The following SLC13A3 variants were observed in gnomAD, a reference collection of about 807,000 sequenced individuals.
SLC13A3 encodes the protein solute carrier family 13 member 3.
A neutral mutation model predicts 59.0 loss-of-function variants in SLC13A3; 40 were observed. That is an observed-to-expected ratio of 0.68 (90% confidence interval 0.53 to 0.88). The LOEUF (loss-of-function observed/expected upper bound fraction) is 0.88. Ranked by LOEUF, SLC13A3 falls within the 40% of genes least tolerant of loss-of-function variation. SLC13A3 has a pLI of 0.00. For missense variants in SLC13A3, 699 were observed against 783.2 expected, an observed-to-expected ratio of 0.89 and a Z score of 1.28; for synonymous variants, 317 against 330.3, an observed-to-expected ratio of 0.96 and a Z score of 0.44.
intron 8 of SLC13A3, chr20:46,585,316 G>A (rs1385623296): frequency 1.0e-6 from 1 of 995,542 alleles, no homozygotes; most frequent in Non-Finnish European, 1.2e-6. Flanking sequence ...TCTCTGGGCA[G>A]TGGGACATAA....
chr20:46,666,854 G>A (rs1406901561), intron 1 of SLC13A3, among the ~76,000 whole-genome samples: 1 of 152,010 alleles, frequency 6.6e-6, no homozygotes, highest in Non-Finnish European at 1.5e-5. Flanking sequence ...AAAGCTCTCT[G>A]TTTAACTTAT....
intron 1 of SLC13A3, among the ~76,000 whole-genome samples, chr20:46,633,339 C>T (rs1200648216): frequency 1.3e-5 from 2 of 152,184 alleles, no homozygotes; most frequent in Non-Finnish European, 2.9e-5. Context: ...GGTGAAGGCT[C>T]AGGGGAACAA....
upstream of SLC13A3, among the ~76,000 whole-genome samples, chr20:46,672,854 T>C (rs937845275): frequency 6.6e-6 from 1 of 152,140 alleles, no homozygotes; most frequent in Non-Finnish European, 1.5e-5. Context: ...GACACATGAA[T>C]GAAGCTGTCT....
chr20:46,635,731 CACAGAA>C (rs2062789421), intron 1 of SLC13A3, among the ~76,000 whole-genome samples: 1 of 152,122 alleles, frequency 6.6e-6, no homozygotes, highest in African/African-American at 2.4e-5. Flanking sequence ...CAGCCTAAGT[CACAGAA>C]TGAGATAGGA....
chr20:46,567,625 T>C (rs970757351), intron 10 of SLC13A3, among the ~76,000 whole-genome samples: 1 of 149,686 alleles, frequency 6.7e-6, no homozygotes, highest in Admixed American at 6.6e-5. Flanking sequence ...GGTAGAGAAG[T>C]TCACCGAGAC....
chr20:46,613,340 TGGTGGG>T, intron 2 of SLC13A3, 114 bp downstream of exon 2: 35 of 742,668 alleles, frequency 4.7e-5, no homozygotes, highest in Non-Finnish European at 6.0e-5. Context: ...AATAAATAAA[TGGTGGG>T]AACCGATGAG....
chr20:46,663,633 G>A (rs977447657), intron 1 of SLC13A3, among the ~76,000 whole-genome samples: 3 of 152,146 alleles, frequency 2.0e-5, no homozygotes, highest in African/African-American at 7.2e-5. Context: ...TATTCTAAGA[G>A]CTTTACATGA....
At chr20:46,653,767 G>A (rs952564472), upstream of SLC13A3, among the ~76,000 whole-genome samples, 1 of 152,126 alleles carries the variant, frequency 6.6e-6, no homozygotes, top group Non-Finnish European at 1.5e-5. Context: ...GTTGTAGCAT[G>A]TGTCATAATT....
chr20:46,627,073 T>C (rs2062681536), intron 1 of SLC13A3, among the ~76,000 whole-genome samples: 1 of 152,250 alleles, frequency 6.6e-6, no homozygotes, highest in African/African-American at 2.4e-5. Flanking sequence ...GTTCATTCAC[T>C]TATTATCTCT....
intron 3 of SLC13A3, among the ~76,000 whole-genome samples, chr20:46,602,573 G>A (rs183492120): frequency 3.0e-4 from 46 of 152,156 alleles, no homozygotes; most frequent in Non-Finnish European, 7.4e-5. Context: ...GTGACTTTAG[G>A]TCAGTAGTTC....
At chr20:46,637,156 G>T (rs1228602688) in intron 1 of SLC13A3, among the ~76,000 whole-genome samples, 1 of 152,130 alleles carries the variant, frequency 6.6e-6, no homozygotes, top group Non-Finnish European at 1.5e-5. Context: ...GGTCCAGCTG[G>T]TCCTGCCCCA....
chr20:46,590,089 T>A (rs891794798), intron 6 of SLC13A3, among the ~76,000 whole-genome samples: 1 of 152,074 alleles, frequency 6.6e-6, no homozygotes, highest in Admixed American at 6.6e-5. Flanking sequence ...AATAGTAAAA[T>A]GTTGTGTGTC....
intron 10 of SLC13A3, among the ~76,000 whole-genome samples, chr20:46,570,667 G>A (rs540046274): frequency 2.0e-5 from 3 of 152,282 alleles, no homozygotes; most frequent in African/African-American, 7.2e-5. Context: ...TCTATTGAAT[G>A]CATATCACTC....
chr20:46,574,841 T>TC (rs2062059370), intron 10 of SLC13A3, among the ~76,000 whole-genome samples: 1 of 149,926 alleles, frequency 6.7e-6, no homozygotes, highest in African/African-American at 2.4e-5. Context: ...TTCTTTTTCT[T>TC]TTTTTTTTTT....
chr20:46,641,882 T>C (rs549728788), intron 1 of SLC13A3, among the ~76,000 whole-genome samples: 1 of 152,234 alleles, frequency 6.6e-6, no homozygotes, highest in East Asian at 1.9e-4. Flanking sequence ...TACCACCTCT[T>C]TTTGAGGGAT....
chr20:46,618,322 A>G (rs1198417090), intron 1 of SLC13A3, among the ~76,000 whole-genome samples: 1 of 152,218 alleles, frequency 6.6e-6, no homozygotes, highest in Non-Finnish European at 1.5e-5. Flanking sequence ...CACCTCCCAG[A>G]GAGACAAGGG....
chr20:46,651,742 A>C (rs1267798887), upstream of SLC13A3, among the ~76,000 whole-genome samples: 1 of 152,216 alleles, frequency 6.6e-6, no homozygotes, highest in South Asian at 2.1e-4. Flanking sequence ...CTCGCCTGTG[A>C]GATGGCTGAG....
chr20:46,650,205 A>G (rs1377529881), intron 1 of SLC13A3, among the ~76,000 whole-genome samples: 2 of 152,002 alleles, frequency 1.3e-5, no homozygotes, highest in Non-Finnish European at 2.9e-5. Context: ...ATGACTCCTG[A>G]ACTCCACCTG....
At chr20:46,616,251 G>A (rs750304599) in intron 1 of SLC13A3, among the ~76,000 whole-genome samples, 2 of 152,110 alleles carry the variant, frequency 1.3e-5, no homozygotes, top group Non-Finnish European at 2.9e-5. Context: ...AAGCAAAATT[G>A]TATGTTGAAT....
Sources: gnomAD v4.1 joint callset for allele counts (sites outside exome capture counted in the v4.1 genomes callset) on GRCh38, gnomAD v4.1.1 for gene constraint, MANE v1.5 for transcripts, NCBI Gene and HGNC (gene_info 2026-07-23, HGNC 2026-07-21) for gene names.